Variants in EXT1 observed in about 807,000 individuals in gnomAD.
EXT1 encodes the protein exostosin-1.
Under a neutral mutation model 82.5 loss-of-function variants are expected in EXT1, and 20 were observed. That is an observed-to-expected ratio of 0.24 (90% confidence interval 0.17 to 0.35). The LOEUF is 0.35. Among genes scored for constraint, EXT1 ranks in the 10% least tolerant of loss-of-function variants. The pLI, the probability that EXT1 is intolerant of heterozygous loss-of-function variation, is 1.00. For missense variants in EXT1, 757 were observed against 936.5 expected, an observed-to-expected ratio of 0.81 and a Z score of 2.50; for synonymous variants, 348 against 350.8, an observed-to-expected ratio of 0.99 and a Z score of 0.09.
rs1563582181 is a variant in EXT1 at position 117,858,822 on chromosome 8, AAGG to A, written c.963-21624_963-21622del. Among the ~76,000 whole-genome samples the A allele has an allele frequency of 4.7e-3, 185 of 39,414 alleles. 9 individuals carry two copies. Among genetic ancestry groups the A allele is most frequent in the African/African-American group, 0.018 (178 of 9,658 alleles). 25.9% of individuals were successfully genotyped at this position (39,414 alleles called of 152,430 possible). On this transcript the variant is annotated intron_variant, in intron 1 of 10. Transcript: ENST00000378204. ...AGGCAAGGCAAGGCAGGAAGGAAGG[AAGG>A]AAGGAAGGAAGGAAGGAAGGAAAGA...
At chr8:118,087,516 C>T (rs1486336266) in intron 1 of EXT1, among the ~76,000 whole-genome samples, 4 of 151,924 alleles carry the variant, frequency 2.6e-5, no homozygotes, top group African/African-American at 7.3e-5. Flanking sequence ...GCTCTCTGAC[C>T]TAAAAAAGTC....
chr8:118,044,788 C>A (rs1435532281), intron 1 of EXT1, among the ~76,000 whole-genome samples: 1 of 152,202 alleles, frequency 6.6e-6, no homozygotes, highest in Non-Finnish European at 1.5e-5. Context: ...GTTCTCCAGT[C>A]TCGGTCTCCC....
chr8:117,839,761 C>T (rs530487870), intron 1 of EXT1, among the ~76,000 whole-genome samples: 74 of 152,360 alleles, frequency 4.9e-4, no homozygotes, highest in Admixed American at 1.4e-3. Flanking sequence ...CTCTTTCACA[C>T]TGCACATCAA....
intron 1 of EXT1, among the ~76,000 whole-genome samples, chr8:118,049,832 G>A (rs1296654008): frequency 6.6e-6 from 1 of 151,956 alleles, no homozygotes; most frequent in Non-Finnish European, 1.5e-5. Flanking sequence ...TCTGAAGCTG[G>A]CGAAGGCAGC....
Position 118,054,967 on chromosome 8 carries a change from T to C in EXT1, c.962+55118A>G, listed in dbSNP as rs548700043. Among the ~76,000 whole-genome samples the C allele has an allele frequency of 4.6e-5, 7 of 151,668 alleles. No homozygotes were observed. In the East Asian group the frequency reaches 1.4e-3, roughly 29 times the overall value. ...TACTGTATGTATATGTATATATATA[T>C]ATATAAATTTTTTAACAGCTTTATG... On this transcript the variant is annotated intron_variant, in intron 1 of 10. Coordinates refer to ENST00000378204, the MANE Select transcript of EXT1 (RefSeq NM_000127.3).
intron 1 of EXT1, among the ~76,000 whole-genome samples, chr8:117,909,453 C>G (rs189056634): frequency 6.6e-6 from 1 of 152,236 alleles, no homozygotes; most frequent in East Asian, 1.9e-4. Flanking sequence ...TGTGGACCAG[C>G]AGAGATTATG....
chr8:117,798,581 A>T lies in EXT1; in HGVS notation c.*1131T>A, dbSNP rs1241932614. The T allele has an allele frequency of 1.3e-5, 2 of 152,222 alleles. No homozygotes were observed. The highest frequency in any genetic ancestry group is 2.9e-5 in the Non-Finnish European group (2 of 68,032). 9.4% of individuals were successfully genotyped at this position (152,222 alleles called of 1,614,324 possible). A position where few individuals can be genotyped will look rare whatever the true frequency, so the allele number is the denominator to read the frequency against. Reference sequence around the variant, plus strand: ...TGTTGTTGATTATTTTGTTTGCCAGATTCTTGCTCAAAACAATGTTTGACC... The same window carrying T: ...TGTTGTTGATTATTTTGTTTGCCAGTTTCTTGCTCAAAACAATGTTTGACC... On this transcript the variant is annotated 3_prime_UTR_variant, in exon 11 of 11. Coordinates refer to ENST00000378204, the MANE Select transcript of EXT1 (RefSeq NM_000127.3).
chr8:118,029,846 A>T (rs1015045876), intron 1 of EXT1, among the ~76,000 whole-genome samples: 66 of 152,324 alleles, frequency 4.3e-4, no homozygotes, highest in Admixed American at 2.6e-3. Flanking sequence ...CTACTTGCAC[A>T]TTCCTTATTG....
chr8:118,047,588 C>G (rs984773054), intron 1 of EXT1, among the ~76,000 whole-genome samples: 2 of 152,074 alleles, frequency 1.3e-5, no homozygotes, highest in Non-Finnish European at 2.9e-5. Flanking sequence ...TCTCTTTTCC[C>G]ATCCATACAT....
chr8:117,840,679 T>C (rs180963784), intron 1 of EXT1, among the ~76,000 whole-genome samples: 1 of 150,896 alleles, frequency 6.6e-6, no homozygotes, highest in Non-Finnish European at 1.5e-5. Flanking sequence ...GGGACTTTCA[T>C]CTAGAATACA....
In EXT1 at chr8:117,872,076, G is replaced by A. The variant is rs1812883330; in HGVS notation, c.963-34875C>T. ...GGGCTCAGTAGCTCAGTAGATAGAG[G>A]CTGCAGTGAGCTATATCACACCACT... On this transcript the variant is annotated intron_variant, in intron 1 of 10. Coordinates refer to ENST00000378204, the MANE Select transcript of EXT1 (RefSeq NM_000127.3). Among the ~76,000 whole-genome samples, 6 of 151,302 alleles carry A rather than the reference G, an allele frequency of 4.0e-5. No individual in the cohort carries two copies. The South Asian group carries it at 1.3e-3, about 32-fold the overall frequency.
Position 118,081,823 on chromosome 8 carries a change from G to A in EXT1, c.962+28262C>T, listed in dbSNP as rs550803263. Among the ~76,000 whole-genome samples, 136 of 152,212 alleles carry A rather than the reference G, an allele frequency of 8.9e-4. 3 individuals carry two copies. The South Asian group carries it at 0.027, about 30-fold the overall frequency. On this transcript the variant is annotated intron_variant, in intron 1 of 10. Transcript: ENST00000378204. Reference sequence around the variant, plus strand: ...TATTAACAGTCTCTTACCCTGCCCCGGGGAATTACAACTGCTCCATTTTCT... The same window carrying A: ...TATTAACAGTCTCTTACCCTGCCCCAGGGAATTACAACTGCTCCATTTTCT...
intron 1 of EXT1, among the ~76,000 whole-genome samples, chr8:117,877,452 A>C (rs1232637964): frequency 6.6e-6 from 1 of 152,236 alleles, no homozygotes; most frequent in Non-Finnish European, 1.5e-5. Flanking sequence ...AGCTGAGGTG[A>C]GAAAAAAATA....
chr8:118,012,344 C>T (rs17453770), intron 1 of EXT1, among the ~76,000 whole-genome samples: 2 of 152,206 alleles, frequency 1.3e-5, no homozygotes, highest in Admixed American at 6.5e-5. Context: ...GAAGCCACTG[C>T]GGCTTCCTAG....
At chr8:117,833,680 G>A (rs973870726) in intron 3 of EXT1, among the ~76,000 whole-genome samples, 1 of 151,726 alleles carries the variant, frequency 6.6e-6, no homozygotes, top group African/African-American at 2.4e-5. Flanking sequence ...CCATACCAAA[G>A]ACAAACTTTC....
intron 10 of EXT1, among the ~76,000 whole-genome samples, chr8:117,800,464 CAT>C (rs1280134154): frequency 6.6e-6 from 1 of 152,214 alleles, no homozygotes; most frequent in East Asian, 1.9e-4. Context: ...GTGCCTTTTA[CAT>C]GTCACTCAAG....
chr8:117,857,713 C>A (rs17430392), intron 1 of EXT1, among the ~76,000 whole-genome samples: 16,415 of 56,692 alleles, frequency 0.29, 1,348 homozygotes, highest in African/African-American at 0.4. Flanking sequence ...CTCAAAAAAA[C>A]AAAGTAATTT....
chr8:118,001,788 A>G (rs975571213), intron 1 of EXT1, among the ~76,000 whole-genome samples: 4 of 152,200 alleles, frequency 2.6e-5, no homozygotes, highest in Admixed American at 2.6e-4. Flanking sequence ...CTTGGAATTA[A>G]TGAGGGTTAC....
chr8:118,029,363 C>T (rs1278599006), intron 1 of EXT1, among the ~76,000 whole-genome samples: 1 of 152,120 alleles, frequency 6.6e-6, no homozygotes, highest in Non-Finnish European at 1.5e-5. Context: ...GAGTTCAAGG[C>T]TGCAATGAGG....
Sources: gnomAD v4.1 joint callset for allele counts (sites outside exome capture counted in the v4.1 genomes callset) on GRCh38, gnomAD v4.1.1 for gene constraint, MANE v1.5 for transcripts, NCBI Gene and HGNC (gene_info 2026-07-23, HGNC 2026-07-21) for gene names.